The following SNED1 variants were observed in gnomAD, a reference collection of about 807,000 sequenced individuals.
The protein encoded by SNED1 is sushi, nidogen and EGF-like domain-containing protein 1.
SNED1 carries 81 observed loss-of-function variants against 166.7 expected under a neutral mutation model. That is an observed-to-expected ratio of 0.49 (90% CI 0.41 to 0.58). The LOEUF is 0.58. Ranked by LOEUF, SNED1 falls within the 20% of genes least tolerant of loss-of-function variation. The pLI is 0.00. For missense variants in SNED1, 1,604 were observed against 2,000.2 expected (o/e 0.80, Z 3.78); for synonymous variants, 762 against 822.0 (o/e 0.93, Z 1.25).
Position 241,033,503 on chromosome 2 carries a change from C to A in SNED1, c.502-232C>A, listed in dbSNP as rs559899859. ...CCCACCCCAGGTGTTTCACTCACCC[C>A]AGCAATAGTTGTGGGTTGCAGACGG... is the stretch of plus-strand genomic sequence containing the variant. On this transcript the variant is annotated intron_variant, in intron 2 of 31. Transcript: ENST00000310397. 122 of 517,106 alleles carry A rather than the reference C, an allele frequency of 2.4e-4. No homozygotes were observed. The South Asian group carries it at 3.1e-3, about 13-fold the overall frequency. 32.0% of individuals were successfully genotyped at this position (517,106 alleles called of 1,614,324 possible). A position where few individuals can be genotyped will look rare whatever the true frequency, so the allele number is the denominator to read the frequency against.
intron 16 of SNED1, among the ~76,000 whole-genome samples, chr2:241,060,938 A>C (rs1395879361): frequency 2.6e-5 from 4 of 152,152 alleles, no homozygotes; most frequent in Non-Finnish European, 5.9e-5. Flanking sequence ...TCAAAAAAAA[A>C]CAACCAAAAA....
chr2:241,010,942 CCTGG>C (rs2060371784), intron 1 of SNED1, among the ~76,000 whole-genome samples: 1 of 152,188 alleles, frequency 6.6e-6, no homozygotes, highest in African/African-American at 2.4e-5. Flanking sequence ...ACGGGGAGGC[CCTGG>C]ACGATGGGAT....
chr2:241,032,572 C>CATGT (rs1206046815), intron 2 of SNED1, among the ~76,000 whole-genome samples: 2 of 151,768 alleles, frequency 1.3e-5, no homozygotes, highest in African/African-American at 2.4e-5. Context: ...CAACATGGCA[C>CATGT]ATGTATACAT....
chr2:241,048,224 G>T, intron 8 of SNED1, 91 bp from the exon 9 acceptor site: 1 of 1,420,704 alleles, frequency 7.0e-7, no homozygotes. Context: ...CAACAGAGGT[G>T]AAAACCCAAA....
intron 1 of SNED1, chr2:241,016,047 AT>A (rs1559222476): frequency 7.5e-6 from 1 of 133,806 alleles, no homozygotes; most frequent in East Asian, 2.7e-4. Context: ...AATTAATCAA[AT>A]TAATGGCAAA....
intron 6 of SNED1, among the ~76,000 whole-genome samples, chr2:241,038,840 C>A (rs193106329): frequency 3.3e-5 from 5 of 152,270 alleles, no homozygotes; most frequent in African/African-American, 1.2e-4. Flanking sequence ...TGCGGGAGGA[C>A]CCAGGCCTAT....
At chr2:241,077,028 G>A (rs2063057814) in intron 27 of SNED1, among the ~76,000 whole-genome samples, 1 of 151,438 alleles carries the variant, frequency 6.6e-6, no homozygotes, top group South Asian at 2.1e-4. Context: ...GCAGTGAGCT[G>A]AGATTGCGCC....
In SNED1 at chr2:241,013,834, G is replaced by A. The variant is rs4676010; in HGVS notation, c.213+14784G>A. On this transcript the variant is annotated intron_variant, in intron 1 of 31. Coordinates refer to ENST00000310397, the MANE Select transcript of SNED1 (RefSeq NM_001080437.3). The surrounding 1 kb of genome is among the most constrained non-coding windows in gnomAD (Gnocchi z 4.6). ...CCACATTTTGTTTATCCATTCATCCGTCAGCAAACACTTAGGTTGAGTCTA... is the reference window on the plus strand; with the variant it reads ...CCACATTTTGTTTATCCATTCATCCATCAGCAAACACTTAGGTTGAGTCTA... Among the ~76,000 whole-genome samples the A allele has an allele frequency of 0.16, 24,850 of 151,984 alleles. 2,722 individuals are homozygous for A. Among genetic ancestry groups the A allele is most frequent in the Admixed American group, 0.32 (4,932 of 15,284 alleles).
At chr2:241,035,143 T>C (rs960179657) in intron 4 of SNED1, among the ~76,000 whole-genome samples, 4 of 152,018 alleles carry the variant, frequency 2.6e-5, no homozygotes, top group Admixed American at 2.0e-4. Context: ...CCACCCAGCC[T>C]CCTGCCTGGG....
chr2:241,063,736 C>A, intron 18 of SNED1, 36 bp downstream of exon 18: 1 of 1,406,514 alleles, frequency 7.1e-7, no homozygotes, highest in Non-Finnish European at 9.9e-7. Context: ...ACATGCAGAG[C>A]CTGGGCCTCT....
intron 1 of SNED1, among the ~76,000 whole-genome samples, chr2:241,001,908 A>T (rs2060088322): frequency 1.3e-5 from 2 of 152,116 alleles, no homozygotes; most frequent in Admixed American, 6.5e-5. Context: ...AGAAGGAGGA[A>T]TGTGGACAGT....
chr2:241,072,069 G>A (rs1293109838), intron 26 of SNED1, 191 bp downstream of exon 26: 2 of 704,964 alleles, frequency 2.8e-6, no homozygotes, highest in Non-Finnish European at 5.2e-6. Flanking sequence ...CTCCATGGCA[G>A]GAGGGGCAGC....
chr2:241,072,106 G>A (rs2062757975), intron 26 of SNED1: 2 of 699,422 alleles, frequency 2.9e-6, no homozygotes, highest in Non-Finnish European at 5.2e-6. Flanking sequence ...TCAGTGTGTG[G>A]GCTGGAGGCG....
intron 1 of SNED1, among the ~76,000 whole-genome samples, chr2:241,023,095 G>A (rs1226466875): frequency 6.6e-6 from 1 of 151,512 alleles, no homozygotes; most frequent in African/African-American, 2.4e-5. Flanking sequence ...TTTTACATAG[G>A]AGTTTATTAT....
rs2125200147 is a variant in SNED1 at position 241,065,738 on chromosome 2, G to C, written c.3010+143G>C. On this transcript the variant is annotated intron_variant, in intron 21 of 31. Transcript: ENST00000310397. ...AAGACAGACAGCTGAGCTGGGGGTTGGAGGCACCGCCCTGCTGGAGACAGA... is the reference window on the plus strand; with the variant it reads ...AAGACAGACAGCTGAGCTGGGGGTTCGAGGCACCGCCCTGCTGGAGACAGA... The C allele has an allele frequency of 4.1e-6, 3 of 738,546 alleles. No individual in the cohort carries two copies. In the East Asian group the frequency reaches 8.1e-5, roughly 20 times the overall value. The allele number at this position is 738,546 out of a possible 1,614,324, so 45.7% of individuals were successfully genotyped here. A position where few individuals can be genotyped will look rare whatever the true frequency, so the allele number is the denominator to read the frequency against.
intron 16 of SNED1, among the ~76,000 whole-genome samples, chr2:241,056,536 G>GA (rs897948520): frequency 7.0e-6 from 1 of 143,836 alleles, no homozygotes; most frequent in Non-Finnish European, 1.5e-5. Flanking sequence ...AGATCAGAGA[G>GA]AAAAAATAAT....
intron 1 of SNED1, chr2:241,016,128 T>TAAAGTTAATTTAATGGCAAATTAAA (rs1559222586): frequency 6.6e-5 from 10 of 152,004 alleles, no homozygotes; most frequent in African/African-American, 1.7e-4. Flanking sequence ...ATTAAATTAA[T>TAAAGTTAATTTAATGGCAAATTAAA]TGGTTTTCTG....
chr2:241,090,382 A>G (rs1247949113), intron 31 of SNED1: 1 of 1,549,940 alleles, frequency 6.5e-7, no homozygotes, highest in Non-Finnish European at 8.7e-7. Flanking sequence ...TCTTCTGGAA[A>G]CCTCCTGAAG....
Position 241,040,057 on chromosome 2 carries a change from T to G in SNED1, c.1046-18T>G. On this transcript the variant is annotated intron_variant, in intron 6 of 31. Transcript: ENST00000310397. ...ATAACTGGGAGTCCATCGTCCTGTC[T>G]ACACCTCCTCACTCTAGCCCAATCC... The G allele has an allele frequency of 6.4e-7, 1 of 1,550,856 alleles. No individual in the cohort carries two copies. Among genetic ancestry groups the G allele is most frequent in the South Asian group, 1.2e-5 (1 of 84,384 alleles).
Sources: allele counts gnomAD v4.1 joint callset (sites outside exome capture counted in the v4.1 genomes callset), GRCh38; gene constraint gnomAD v4.1.1; non-coding constraint Gnocchi (gnomAD v3.1); transcripts MANE v1.5; gene names NCBI Gene and HGNC (gene_info 2026-07-23, HGNC 2026-07-21).